SCMH1: variants seen among roughly 807,000 people sequenced by gnomAD.
SCMH1 encodes Scm polycomb group protein homolog 1.
In SCMH1, 37 loss-of-function variants were observed where a neutral mutation model predicts 70.8. The ratio of observed to expected loss-of-function variants is 0.52; its 90% CI spans 0.40 to 0.69. SCMH1 has a LOEUF of 0.69. Ranked by LOEUF, SCMH1 falls within the 30% of genes least tolerant of loss-of-function variation. The pLI is 0.00. For synonymous variants in SCMH1, 292 were observed against 307.4 expected (o/e 0.95, Z 0.52); for missense variants, 607 against 827.3 (o/e 0.73, Z 3.27).
At chr1:41,232,786 AAATACATTTTGG>A (rs1661561537) in intron 1 of SCMH1, among the ~76,000 whole-genome samples, 1 of 152,246 alleles carries the variant, frequency 6.6e-6, no homozygotes. Flanking sequence ...GGTCTGCTTT[AAATACATTTTGG>A]AATAAGGCAA....
At chr1:41,237,311 T>C (rs1200165869) in intron 1 of SCMH1, among the ~76,000 whole-genome samples, 1 of 152,306 alleles carries the variant, frequency 6.6e-6, no homozygotes, top group South Asian at 2.1e-4. Context: ...TCAAATAAGA[T>C]TACTGCAAAG....
chr1:41,069,295 T>G (rs911322388), intron 10 of SCMH1, among the ~76,000 whole-genome samples: 2 of 152,184 alleles, frequency 1.3e-5, no homozygotes, highest in African/African-American at 4.8e-5. Flanking sequence ...AGTTAAATTC[T>G]CATCTTCTAG....
chr1:41,119,107 A>G (rs1364706493), intron 6 of SCMH1, among the ~76,000 whole-genome samples: 3 of 152,208 alleles, frequency 2.0e-5, no homozygotes, highest in Non-Finnish European at 4.4e-5. Flanking sequence ...AATTCAGGCA[A>G]TCTGACTCCT....
chr1:41,185,909 G>A (rs1650078755), intron 2 of SCMH1: 2 of 363,800 alleles, frequency 5.5e-6, no homozygotes, highest in Non-Finnish European at 1.0e-5. Context: ...ACAGGCATGA[G>A]CCACCGAGAA....
chr1:41,223,620 T>C (rs966181573), intron 1 of SCMH1, among the ~76,000 whole-genome samples: 4 of 152,162 alleles, frequency 2.6e-5, no homozygotes, highest in Non-Finnish European at 5.9e-5. Context: ...ACAACTAGAT[T>C]TGGAAAAGGC....
At chr1:41,233,712 C>G (rs1222511674) in intron 1 of SCMH1, among the ~76,000 whole-genome samples, 1 of 152,136 alleles carries the variant, frequency 6.6e-6, no homozygotes, top group Non-Finnish European at 1.5e-5. Context: ...TTTTAGGATT[C>G]CCATTTCATG....
At chr1:41,112,151 A>G (rs1247724621) in intron 8 of SCMH1, among the ~76,000 whole-genome samples, 1 of 152,090 alleles carries the variant, frequency 6.6e-6, no homozygotes, top group Non-Finnish European at 1.5e-5. Context: ...TTATTTCTTG[A>G]TTTAAATGTT....
intron 2 of SCMH1, among the ~76,000 whole-genome samples, chr1:41,162,188 C>T (rs1646091192): frequency 6.6e-6 from 1 of 152,178 alleles, no homozygotes; most frequent in Non-Finnish European, 1.5e-5. Context: ...CTTGGGGGTC[C>T]AGCCAGGACC....
chr1:41,142,468 A>G (rs1644184035), intron 6 of SCMH1, among the ~76,000 whole-genome samples: 1 of 152,216 alleles, frequency 6.6e-6, no homozygotes, highest in Non-Finnish European at 1.5e-5. Flanking sequence ...AATTAGTGAG[A>G]AAGGAGATAA....
At chr1:41,153,326 T>C (rs1462931056) in intron 4 of SCMH1, among the ~76,000 whole-genome samples, 1 of 152,170 alleles carries the variant, frequency 6.6e-6, no homozygotes, top group Non-Finnish European at 1.5e-5. Context: ...AGAAACTAAA[T>C]TTTTTAAATT....
At chr1:41,057,357 C>T (rs915261021) in intron 10 of SCMH1, among the ~76,000 whole-genome samples, 4 of 152,126 alleles carry the variant, frequency 2.6e-5, no homozygotes, top group Non-Finnish European at 5.9e-5. Flanking sequence ...CCTCCGCCTC[C>T]CGGGTTCAAG....
intron 1 of SCMH1, among the ~76,000 whole-genome samples, chr1:41,210,980 T>C (rs113058391): frequency 6.6e-6 from 1 of 152,038 alleles, no homozygotes; most frequent in East Asian, 1.9e-4. Context: ...CAGCTAATGT[T>C]TGTATTTTTC....
At position 41,113,326 on chromosome 1, in the gene SCMH1, C is replaced by T. The variant is rs1337464114; in HGVS notation, c.702G>A (p.Trp234Ter). The change falls in exon 8 of 15, where the codon TGG becomes TGA. Residue 234 changes from tryptophan (W) to a stop codon, truncating the protein, a stop_gained. Transcript: ENST00000337495. LOFTEE classifies it high-confidence loss of function. This position sits in a 1 kb window ranked among gnomAD's most constrained non-coding sequence, Gnocchi z 4.3. ...GCAGGTTGTCTCCAGTCAAGGAACA[C>T]CAGCCCACAGGGAAGATGTCTCGGG... The T allele has an allele frequency of 6.2e-7, 1 of 1,613,920 alleles. No individual in the cohort carries two copies. Among genetic ancestry groups the T allele is most frequent in the Admixed American group, 1.7e-5 (1 of 59,996 alleles).
chr1:41,180,134 T>C (rs1648301866), intron 2 of SCMH1, among the ~76,000 whole-genome samples: 1 of 152,202 alleles, frequency 6.6e-6, no homozygotes, highest in Non-Finnish European at 1.5e-5. Flanking sequence ...TCTCAATAGA[T>C]GCAGAAAAGG....
At chr1:41,055,648 C>A (rs989812978) in intron 10 of SCMH1, among the ~76,000 whole-genome samples, 1 of 152,188 alleles carries the variant, frequency 6.6e-6, no homozygotes, top group African/African-American at 2.4e-5. Flanking sequence ...TTTCTATAGA[C>A]CAGTGACTGC....
intron 2 of SCMH1, among the ~76,000 whole-genome samples, chr1:41,175,418 T>C (rs61781833): frequency 0.25 from 37,749 of 152,114 alleles, 5,277 homozygotes; most frequent in Non-Finnish European, 0.31. Context: ...TCTTTGGACT[T>C]AGACTAAATT....
intron 2 of SCMH1, among the ~76,000 whole-genome samples, chr1:41,176,698 G>A (rs998256107): frequency 2.6e-5 from 4 of 152,208 alleles, no homozygotes; most frequent in Non-Finnish European, 4.4e-5. Flanking sequence ...CAGCGAGGCT[G>A]GGGGAGGGGC....
intron 4 of SCMH1, chr1:41,152,721 C>T (rs758511457): frequency 6.2e-7 from 1 of 1,610,732 alleles, no homozygotes; most frequent in Non-Finnish European, 8.5e-7. Context: ...CCCCTTTGGG[C>T]CATGCAAAAA....
At chr1:41,209,136 G>T (rs930735518) in intron 1 of SCMH1, among the ~76,000 whole-genome samples, 2 of 152,082 alleles carry the variant, frequency 1.3e-5, no homozygotes, top group African/African-American at 4.8e-5. Context: ...TAAATTCCTG[G>T]ACACATACAC....
Sources: gnomAD v4.1 joint callset for allele counts (sites outside exome capture counted in the v4.1 genomes callset) on GRCh38, gnomAD v4.1.1 for gene constraint, Gnocchi (gnomAD v3.1) non-coding constraint, MANE v1.5 for transcripts, NCBI Gene and HGNC (gene_info 2026-07-23, HGNC 2026-07-21) for gene names.